TRIM68: variants seen among roughly 807,000 people sequenced by gnomAD.
TRIM68 encodes the protein E3 ubiquitin-protein ligase TRIM68.
Under a neutral mutation model 41.9 loss-of-function variants are expected in TRIM68, and 36 were observed. That is an observed-to-expected ratio of 0.86 (90% CI 0.66 to 1.14). TRIM68 has a LOEUF of 1.14. Among genes scored for constraint, TRIM68 ranks in the 50% most tolerant of loss-of-function variants. The pLI is 0.00. For missense variants in TRIM68, 632 were observed against 605.1 expected (o/e 1.04, Z -0.47); for synonymous variants, 225 against 224.6 (o/e 1.00, Z -0.02).
In TRIM68 at chr11:4,600,045, C is replaced by T. The variant is rs541111695; in HGVS notation, c.*231G>A. The T allele has an allele frequency of 4.0e-5, 19 of 480,412 alleles. No homozygotes were observed. The highest frequency in any genetic ancestry group is 6.6e-5 in the Non-Finnish European group (18 of 272,150). The allele number at this position is 480,412 out of a possible 1,614,324, so 29.8% of individuals were successfully genotyped here. ...CTCTGATCCTCACCATCAGCCCTGT[C>T]GTGCTTCCCTCATGGGATGCAATGC... is the stretch of plus-strand genomic sequence containing the variant. On this transcript the variant is annotated 3_prime_UTR_variant, in exon 7 of 7. Coordinates refer to ENST00000300747, the MANE Select transcript of TRIM68 (RefSeq NM_018073.8).
rs1165338138 is a variant in TRIM68, at chr11:4,600,144, G to A, written c.*132C>T. ...CTTCAGCCTGGTAGCAAAGACCAAA[G>A]GATCAGACAGAGGAATCCTTGGATA... On this transcript the variant is annotated 3_prime_UTR_variant, in exon 7 of 7. Coordinates refer to ENST00000300747, the MANE Select transcript of TRIM68 (RefSeq NM_018073.8). 4 of 935,742 alleles carry A rather than the reference G, an allele frequency of 4.3e-6. No individual in the cohort carries two copies. In the Admixed American group the frequency reaches 1.1e-4, roughly 27 times the overall value. The allele number at this position is 935,742 out of a possible 1,614,324, so 58.0% of individuals were successfully genotyped here. A position where few individuals can be genotyped will look rare whatever the true frequency, so the allele number is the denominator to read the frequency against.
intron 4 of TRIM68, 191 bp downstream of exon 4, chr11:4,601,961 T>C (rs1408365563): frequency 3.5e-6 from 3 of 858,212 alleles, no homozygotes; most frequent in East Asian, 5.3e-5. Context: ...CCACCTATGA[T>C]GCTACAACAG....
intron 2 of TRIM68, 79 bp from the exon 3 acceptor site, chr11:4,603,419 AGTCCTTCAG>A (rs2133199809): frequency 7.3e-7 from 1 of 1,375,938 alleles, no homozygotes; most frequent in South Asian, 1.2e-5. Flanking sequence ...GGAGAACCAG[AGTCCTTCAG>A]GCAACCGGCC....
Position 4,600,188 on chromosome 11 carries a change from C to T in TRIM68, c.*88G>A, listed in dbSNP as rs1490855213. 1 of 1,351,176 alleles carries T rather than the reference C, an allele frequency of 7.4e-7. No individual in the cohort carries two copies. Among genetic ancestry groups the T allele is most frequent in the Admixed American group, 2.4e-5 (1 of 42,080 alleles). 83.7% of individuals were successfully genotyped at this position (1,351,176 alleles called of 1,614,324 possible). A position where few individuals can be genotyped will look rare whatever the true frequency, so the allele number is the denominator to read the frequency against. On this transcript the variant is annotated 3_prime_UTR_variant, in exon 7 of 7. Coordinates refer to ENST00000300747, the MANE Select transcript of TRIM68 (RefSeq NM_018073.8). ...TTGGATACTGGGCTCAGCTCAGTTT[C>T]AGGGGATACCTGTCAGTGGCTCGGT...
Position 4,601,010 on chromosome 11 carries a change from C to T in TRIM68, c.907+17G>A, listed in dbSNP as rs1218885028. ...TCCCTCCCACTGTCCACTACAGTCT[C>T]CCCCAGGATCCATTACCTGCATAAG... On this transcript the variant is annotated intron_variant, in intron 6 of 6. Coordinates refer to ENST00000300747, the MANE Select transcript of TRIM68 (RefSeq NM_018073.8). 6.2e-7 allele frequency: 1 copy of T among 1,611,178 alleles called. No homozygotes were observed. The highest frequency in any genetic ancestry group is 8.5e-7 in the Non-Finnish European group (1 of 1,177,394).
Position 4,601,076 on chromosome 11 carries a change from C to G in TRIM68, c.858G>C (p.Lys286Asn). The G allele has an allele frequency of 6.2e-7, 1 of 1,614,214 alleles. No homozygotes were observed. The highest frequency in any genetic ancestry group is 1.1e-5 in the South Asian group (1 of 91,086). Residue 286 changes from lysine to asparagine, a missense_variant, in exon 6 of 7, where the codon AAG (lysine) becomes AAC (asparagine). Coordinates refer to ENST00000300747, the MANE Select transcript of TRIM68 (RefSeq NM_018073.8). Reference sequence around the variant, plus strand: ...TTAGCCCCAGCACACGGCAATCTGTCTTCAACTCCAGGGAGATTGGTTCTG... The same window carrying G: ...TTAGCCCCAGCACACGGCAATCTGTGTTCAACTCCAGGGAGATTGGTTCTG... The part of the protein sequence containing the change: ...QQPEPISLEL[K>N]TDCRVLGLRE...
At chr11:4,603,922 A>G (rs2133200189) in intron 2 of TRIM68, among the ~76,000 whole-genome samples, 1 of 152,350 alleles carries the variant, frequency 6.6e-6, no homozygotes, top group African/African-American at 2.4e-5. Context: ...TTAACAAAAT[A>G]GCAACTATTT....
intron 1 of TRIM68, among the ~76,000 whole-genome samples, chr11:4,606,032 GC>G (rs1174570962): frequency 1.3e-5 from 2 of 152,168 alleles, no homozygotes; most frequent in Non-Finnish European, 2.9e-5. Flanking sequence ...TATGCCAGAA[GC>G]CCATTGCCTA....
At chr11:4,601,342 T>A in intron 5 of TRIM68, 4 of 598,962 alleles carry the variant, frequency 6.7e-6, no homozygotes, top group Non-Finnish European at 3.0e-6. Flanking sequence ...GGATGTATAT[T>A]TGATTCTGGG....
At position 4,600,067 on chromosome 11, in the gene TRIM68, A is replaced by C; in HGVS notation, c.*209T>G. ...TGTCGTGCTTCCCTCATGGGATGCAATGCTCATTTGACTGGGCCTCTGCTT... is the reference window on the plus strand; with the variant it reads ...TGTCGTGCTTCCCTCATGGGATGCACTGCTCATTTGACTGGGCCTCTGCTT... On this transcript the variant is annotated 3_prime_UTR_variant, in exon 7 of 7. Coordinates refer to ENST00000300747, the MANE Select transcript of TRIM68 (RefSeq NM_018073.8). 1 of 520,782 alleles carries C rather than the reference A, an allele frequency of 1.9e-6. No individual in the cohort carries two copies. The highest frequency in any genetic ancestry group is 3.3e-5 in the Admixed American group (1 of 29,876). 32.3% of individuals were successfully genotyped at this position (520,782 alleles called of 1,614,324 possible).
At position 4,605,196 on chromosome 11, in the gene TRIM68, T is replaced by C. The variant is rs765134079; in HGVS notation, c.309A>G (p.Glu103=). The C allele has an allele frequency of 3.7e-6, 6 of 1,614,260 alleles. No individual in the cohort carries two copies. In the South Asian group the frequency reaches 6.6e-5, roughly 18 times the overall value. ...LKGDLCERHG[E]KLKMFCKEDV... is the part of the protein sequence containing the mutation. ...CCTCTTTGCAGAACATCTTCAGCTT[T>C]TCCCCATGGCGCTCACACAGGTCAC... The change falls in exon 2 of 7, where the codon GAA becomes GAG. Residue 103 remains glutamate (E), a synonymous_variant. Transcript: ENST00000300747.
rs1846451036 is a variant in TRIM68, at chr11:4,599,730, T to G, written c.*546A>C. ...TCTGTGTCCCCCTGCTGCACTGAAT[T>G]TCTCTTGCCAGGAGGTCAGAAGGTG... On this transcript the variant is annotated 3_prime_UTR_variant, in exon 7 of 7. Transcript: ENST00000300747. 1 of 152,476 alleles carries G rather than the reference T, an allele frequency of 6.6e-6. No homozygotes were observed. The highest frequency in any genetic ancestry group is 6.5e-5 in the Admixed American group (1 of 15,296). The allele number at this position is 152,476 out of a possible 1,614,324, so 9.4% of individuals were successfully genotyped here.
Position 4,602,389 on chromosome 11 carries a change from C to A in TRIM68, c.546G>T (p.Gln182His), listed in dbSNP as rs1846506310. The change falls in exon 4 of 7, where the codon CAG becomes CAT. Residue 182 changes from glutamine to histidine, a missense_variant. Coordinates refer to ENST00000300747, the MANE Select transcript of TRIM68 (RefSeq NM_018073.8). The stretch of plus-strand genomic sequence containing the variant: ...ATTTTTCAAACTCCCATACAATACT[C>A]TGTTTTCGGGTTTCCACCTGTATCT... ...TWKIQVETRK[Q>H]SIVWEFEKYQ... The A allele has an allele frequency of 4.3e-6, 7 of 1,613,836 alleles. No homozygotes were observed. Among genetic ancestry groups the A allele is most frequent in the Non-Finnish European group, 5.1e-6 (6 of 1,180,018 alleles).
In TRIM68 at chr11:4,600,021, T is replaced by C. The variant is rs1053474597; in HGVS notation, c.*255A>G. 3.7e-5 allele frequency: 16 copies of C among 437,132 alleles called. No individual in the cohort carries two copies. Among genetic ancestry groups the C allele is most frequent in the South Asian group, 5.0e-5 (1 of 20,054 alleles). The allele number at this position is 437,132 out of a possible 1,614,324, so 27.1% of individuals were successfully genotyped here. Reference sequence around the variant, plus strand: ...CCCCAACGAGTCACCTTAGAACTGCTCTGATCCTCACCATCAGCCCTGTCG... The same window carrying C: ...CCCCAACGAGTCACCTTAGAACTGCCCTGATCCTCACCATCAGCCCTGTCG... On this transcript the variant is annotated 3_prime_UTR_variant, in exon 7 of 7. Transcript: ENST00000300747.
rs1419595810 is a variant in TRIM68 at position 4,601,039 on chromosome 11, TC to T, written c.894del (p.Lys299ArgfsTer81). The T allele has an allele frequency of 6.2e-7, 1 of 1,613,958 alleles. No individual in the cohort carries two copies. The highest frequency in any genetic ancestry group is 2.2e-5 in the East Asian group (1 of 44,892). Reference protein sequence around the residue: ...DCRVLGLREILKTYAADVRLD... With the variant: ...DCRVLGLREIXKTYAADVRLD... ...CAGGATCCATTACCTGCATAAGTCT[TC>T]AGGATCTCTCTTAGCCCCAGCACAC... On this transcript the variant is annotated frameshift_variant, in exon 6 of 7. Coordinates refer to ENST00000300747, the MANE Select transcript of TRIM68 (RefSeq NM_018073.8). LOFTEE classifies it low-confidence loss of function (END_TRUNC).
In TRIM68 at chr11:4,599,520, C is replaced by T. The variant is rs1040109698; in HGVS notation, c.*756G>A. ...TCAAAAAAAAAGAAATAACTTGCTC[C>T]CTTAAGGCCATTTCAGTTTCCTCAT... is the stretch of plus-strand genomic sequence containing the variant. On this transcript the variant is annotated 3_prime_UTR_variant, in exon 7 of 7. Transcript: ENST00000300747. The T allele has an allele frequency of 4.6e-5, 7 of 152,154 alleles. No homozygotes were observed. The highest frequency in any genetic ancestry group is 1.4e-4 in the African/African-American group (6 of 41,422). The allele number at this position is 152,154 out of a possible 1,614,324, so 9.4% of individuals were successfully genotyped here. A position where few individuals can be genotyped will look rare whatever the true frequency, so the allele number is the denominator to read the frequency against.
Position 4,600,164 on chromosome 11 carries a change from T to C in TRIM68, c.*112A>G. On this transcript the variant is annotated 3_prime_UTR_variant, in exon 7 of 7. Coordinates refer to ENST00000300747, the MANE Select transcript of TRIM68 (RefSeq NM_018073.8). ...CCAAAGGATCAGACAGAGGAATCCT[T>C]GGATACTGGGCTCAGCTCAGTTTCA... is the stretch of plus-strand genomic sequence containing the variant. 4.5e-6 allele frequency: 5 copies of C among 1,101,270 alleles called. No individual in the cohort carries two copies. Among genetic ancestry groups the C allele is most frequent in the Non-Finnish European group, 6.4e-6 (5 of 780,472 alleles). The allele number at this position is 1,101,270 out of a possible 1,614,324, so 68.2% of individuals were successfully genotyped here. A position where few individuals can be genotyped will look rare whatever the true frequency, so the allele number is the denominator to read the frequency against.
rs1846556355 is a variant in TRIM68 at position 4,605,480 on chromosome 11, C to T, written c.25G>A (p.Ala9Thr). The T allele has an allele frequency of 6.2e-7, 1 of 1,610,486 alleles. No individual in the cohort carries two copies. Among genetic ancestry groups the T allele is most frequent in the African/African-American group, 1.3e-5 (1 of 74,870 alleles). Reference sequence around the variant, plus strand: ...GGACAGGCCACTTCTTCCACAATGGCTTCCACCAAGGCTGTGGGATCCATG... The same window carrying T: ...GGACAGGCCACTTCTTCCACAATGGTTTCCACCAAGGCTGTGGGATCCATG... The part of the protein sequence containing the change: MDPTALVE[A>T]IVEEVACPIC... Residue 9 changes from alanine (A) to threonine (T), a missense_variant, in exon 2 of 7, where the codon GCC becomes ACC. By Grantham distance (58) the Ala-to-Thr change is moderately conservative. Transcript: ENST00000300747.
chr11:4,602,084 G>T, intron 4 of TRIM68, 68 bp downstream of exon 4: 1 of 1,598,146 alleles, frequency 6.3e-7, no homozygotes. Context: ...GGTAACTGAT[G>T]CTCTCTCCTG....
Sources: gnomAD v4.1 joint callset for allele counts (sites outside exome capture counted in the v4.1 genomes callset) on GRCh38, gnomAD v4.1.1 for gene constraint, MANE v1.5 for transcripts, NCBI Gene and HGNC (gene_info 2026-07-23, HGNC 2026-07-21) for gene names.